MBNL2: variants seen among roughly 807,000 people sequenced by gnomAD.
MBNL2 encodes the protein muscleblind-like protein 2.
In MBNL2, 17 loss-of-function variants were observed where a neutral mutation model predicts 41.9. The observed-to-expected ratio is 0.41, with a 90% CI of 0.28 to 0.61. The LOEUF is 0.61. Among genes scored for constraint, MBNL2 ranks in the 20% least tolerant of loss-of-function variants. The pLI is 0.35. For missense variants in MBNL2, 336 were observed against 505.6 expected (o/e 0.66, Z 3.22); for synonymous variants, 195 against 182.9 (o/e 1.07, Z -0.53).
At chr13:97,236,973 AGT>A (rs1259833555) in intron 1 of MBNL2, among the ~76,000 whole-genome samples, 1 of 152,062 alleles carries the variant, frequency 6.6e-6, no homozygotes, top group African/African-American at 2.4e-5. Context: ...AGGAAGGAAG[AGT>A]GTGGGGACAG....
chr13:97,239,053 C>T (rs2043802156), intron 1 of MBNL2, among the ~76,000 whole-genome samples: 1 of 152,204 alleles, frequency 6.6e-6, no homozygotes, highest in South Asian at 2.1e-4. Context: ...GGAGAGGGCT[C>T]AAGATGCTAC....
In MBNL2 at chr13:97,334,286, C is replaced by CGA; in HGVS notation, c.192_193dup (p.Asn65ArgfsTer12). 6.2e-7 allele frequency: 1 copy of CGA among 1,609,154 alleles called. No individual in the cohort carries two copies. The highest frequency in any genetic ancestry group is 1.1e-5 in the South Asian group (1 of 89,998). ...CACTTGTTTTTACAGGGCCGTTGTTCGAGAGAGAACTGCAAGTATCTTCAC... is the reference window on the plus strand; with the variant it reads ...CACTTGTTTTTACAGGGCCGTTGTTCGAGAGAGAGAACTGCAAGTATCTTCAC... On this transcript the variant is annotated frameshift_variant, in exon 3 of 9. Transcript: ENST00000679496. LOFTEE classifies it high-confidence loss of function. The surrounding 1 kb of genome is among the most constrained non-coding windows in gnomAD (Gnocchi z 5.3).
chr13:97,313,521 T>C (rs1041929801), intron 2 of MBNL2, among the ~76,000 whole-genome samples: 2 of 152,184 alleles, frequency 1.3e-5, no homozygotes, highest in Admixed American at 1.3e-4. Flanking sequence ...TTAAATGGGG[T>C]TGGCAGAAGT....
chr13:97,368,657 GA>G (rs912754462), intron 8 of MBNL2, among the ~76,000 whole-genome samples: 6 of 151,036 alleles, frequency 4.0e-5, no homozygotes, highest in East Asian at 1.9e-4. Context: ...CCATTTAGTA[GA>G]AAAAAAACTT....
At chr13:97,164,715 T>C in the MBNL2 span, among the ~76,000 whole-genome samples, 2 of 151,778 alleles carry the variant, frequency 1.3e-5, no homozygotes, top group African/African-American at 2.4e-5. Flanking sequence ...AAAAAGGAGG[T>C]GATTGATTTT....
intron 2 of MBNL2, among the ~76,000 whole-genome samples, chr13:97,333,222 G>C (rs1291785854): frequency 3.9e-5 from 6 of 152,076 alleles, no homozygotes; most frequent in Admixed American, 3.9e-4. Flanking sequence ...TACTCAAACT[G>C]GTTCACAGTT....
intron 2 of MBNL2, among the ~76,000 whole-genome samples, chr13:97,291,055 G>A (rs1641461903): frequency 6.6e-6 from 1 of 152,080 alleles, no homozygotes. Flanking sequence ...GGGATGACAG[G>A]CTCTGATCTG....
intron 8 of MBNL2, among the ~76,000 whole-genome samples, chr13:97,385,759 T>C (rs1449093049): frequency 6.6e-6 from 1 of 152,218 alleles, no homozygotes; most frequent in Non-Finnish European, 1.5e-5. Flanking sequence ...AATGTATTAA[T>C]ACTTGGTACC....
rs149379537 is a variant in MBNL2, at chr13:97,370,395, C to T, written c.1048+5224C>T. On this transcript the variant is annotated intron_variant, in intron 8 of 8. Transcript: ENST00000679496. The stretch of plus-strand genomic sequence containing the variant: ...TTTAGAAACCATATAATGGGCCAGG[C>T]GCAGTGGCTCATGTCTGTAATCCCA... 2.1e-3 allele frequency among the ~76,000 whole-genome samples: 322 copies of T among 152,194 alleles called. 2 individuals carry two copies. Among genetic ancestry groups the T allele is most frequent in the African/African-American group, 7.1e-3 (295 of 41,518 alleles).
chr13:97,238,160 G>A (rs760216322), intron 1 of MBNL2, among the ~76,000 whole-genome samples: 1 of 152,218 alleles, frequency 6.6e-6, no homozygotes, highest in Non-Finnish European at 1.5e-5. Context: ...CTTCTGTAGC[G>A]TGTGGAGCCC....
At chr13:97,320,894 G>A (rs888520417) in intron 2 of MBNL2, among the ~76,000 whole-genome samples, 3 of 152,052 alleles carry the variant, frequency 2.0e-5, no homozygotes, top group African/African-American at 4.8e-5. Flanking sequence ...CAGCCTGGGC[G>A]ACAGGATAAG....
At chr13:97,252,473 T>C (rs2046759676) in intron 1 of MBNL2, among the ~76,000 whole-genome samples, 1 of 152,176 alleles carries the variant, frequency 6.6e-6, no homozygotes, top group African/African-American at 2.4e-5. Context: ...ATTAATTTAG[T>C]AAGAACTAAT....
intron 5 of MBNL2, among the ~76,000 whole-genome samples, chr13:97,350,615 C>A (rs1305746086): frequency 6.6e-6 from 1 of 152,216 alleles, no homozygotes; most frequent in Non-Finnish European, 1.5e-5. Flanking sequence ...CAACAATGTT[C>A]AGAGCATCTT....
chr13:97,260,751 A>G (rs958253480), intron 1 of MBNL2, among the ~76,000 whole-genome samples: 1 of 152,180 alleles, frequency 6.6e-6, no homozygotes, highest in Admixed American at 6.5e-5. Flanking sequence ...CACACAAGAG[A>G]GTGGTTAAAC....
At chr13:97,295,784 G>A (rs556440482) in intron 2 of MBNL2, among the ~76,000 whole-genome samples, 2 of 152,200 alleles carry the variant, frequency 1.3e-5, no homozygotes, top group East Asian at 3.9e-4. Context: ...TGGAGTGATG[G>A]TACAAGTTTA....
At chr13:97,294,962 AC>A (rs1159179860) in intron 2 of MBNL2, among the ~76,000 whole-genome samples, 1 of 152,126 alleles carries the variant, frequency 6.6e-6, no homozygotes, top group Admixed American at 6.5e-5. Flanking sequence ...CAAAACAACA[AC>A]TGCCCAGTTA....
the MBNL2 span, among the ~76,000 whole-genome samples, chr13:97,207,196 AAG>A: frequency 6.6e-6 from 1 of 152,226 alleles, no homozygotes; most frequent in African/African-American, 2.4e-5. Context: ...AGCAATCAAT[AAG>A]AGTGAGGTTA....
At chr13:97,205,641 T>G in the MBNL2 span, among the ~76,000 whole-genome samples, 2 of 152,304 alleles carry the variant, frequency 1.3e-5, no homozygotes, top group South Asian at 4.1e-4. Flanking sequence ...AAAACTCTCA[T>G]TTGAAATACA....
intron 1 of MBNL2, among the ~76,000 whole-genome samples, chr13:97,236,294 G>A (rs1162837157): frequency 6.6e-6 from 1 of 152,166 alleles, no homozygotes; most frequent in South Asian, 2.1e-4. Context: ...TCTCAGAAGA[G>A]CACAGGCTGT....
Sources: gnomAD v4.1 joint callset for allele counts (sites outside exome capture counted in the v4.1 genomes callset) on GRCh38, gnomAD v4.1.1 for gene constraint, Gnocchi (gnomAD v3.1) non-coding constraint, MANE v1.5 for transcripts, NCBI Gene and HGNC (gene_info 2026-07-23, HGNC 2026-07-21) for gene names.